APP: variants seen among roughly 807,000 people sequenced by gnomAD.
APP encodes amyloid-beta precursor protein.
A neutral mutation model predicts 101.4 loss-of-function variants in APP; 31 were observed. The observed-to-expected ratio is 0.31, with a 90% CI of 0.23 to 0.41. The LOEUF is 0.41. Among genes scored for constraint, APP ranks in the 10% least tolerant of loss-of-function variants. The probability of loss-of-function intolerance (pLI) is 1.00; values close to 1 mark genes in which losing one functional copy is unlikely to be tolerated. For synonymous variants in APP, 366 were observed against 364.4 expected (o/e 1.00, Z -0.05); for missense variants, 839 against 1,003.7 (o/e 0.84, Z 2.22).
chr21:25,891,891 G>A (rs201429297), intron 16 of APP, 23 bp from the exon 17 acceptor site: 1 of 1,603,690 alleles, frequency 6.2e-7, no homozygotes, highest in Non-Finnish European at 8.5e-7. Context: ...TTAAGAAAAA[G>A]AATTTTAATT....
intron 13 of APP, among the ~76,000 whole-genome samples, chr21:25,915,145 C>G (rs2039290754): frequency 6.6e-6 from 1 of 152,230 alleles, no homozygotes; most frequent in South Asian, 2.1e-4. Context: ...GAACTCACAG[C>G]TCCAGCTGTC....
intron 17 of APP, among the ~76,000 whole-genome samples, chr21:25,889,925 G>A (rs939572918): frequency 3.9e-5 from 6 of 152,028 alleles, no homozygotes; most frequent in Non-Finnish European, 7.4e-5. Flanking sequence ...CAGCAAAAAA[G>A]GGGTCTTGAA....
intron 11 of APP, among the ~76,000 whole-genome samples, chr21:25,960,734 T>C (rs112248226): frequency 0.035 from 5,324 of 152,220 alleles, 303 homozygotes; most frequent in African/African-American, 0.12. Flanking sequence ...TGCATCTACA[T>C]AAACACAAGC....
rs2043775693 is a variant in APP, at chr21:26,010,959, G to C, written c.866-10777C>G. 1.3e-5 allele frequency among the ~76,000 whole-genome samples: 2 copies of C among 152,190 alleles called. 1 individual carries two copies. The highest frequency in any genetic ancestry group is 4.1e-4 in the South Asian group (2 of 4,824). On this transcript the variant is annotated intron_variant, in intron 6 of 17. Transcript: ENST00000346798. Reference sequence around the variant, plus strand: ...GTGAATCGCTTGAACCATGGAGGCAGAGATTGCAGTGAACTGAGATCGTGT... The same window carrying C: ...GTGAATCGCTTGAACCATGGAGGCACAGATTGCAGTGAACTGAGATCGTGT...
In APP at chr21:26,053,278, A is replaced by G. The variant is rs201724614; in HGVS notation, c.426T>C (p.Asp142=). The change falls in exon 4 of 18, where the codon GAT becomes GAC. Residue 142 remains aspartate (D), a synonymous_variant. Coordinates refer to ENST00000346798, the MANE Select transcript of APP (RefSeq NM_000484.4). ...KCKFLHQERM[D]VCETHLHWHT... The stretch of plus-strand genomic sequence containing the variant: ...GCCAGTGAAGATGAGTTTCGCAAAC[A>G]TCCATCCTCTCCTGGTGTAAGAATT... 1.1e-5 allele frequency: 18 copies of G among 1,614,018 alleles called. No individual in the cohort carries two copies. The highest frequency in any genetic ancestry group is 1.5e-5 in the Non-Finnish European group (18 of 1,179,886).
chr21:26,049,516 TA>T (rs751863353), intron 5 of APP, among the ~76,000 whole-genome samples: 1 of 152,090 alleles, frequency 6.6e-6, no homozygotes, highest in Non-Finnish European at 1.5e-5. Flanking sequence ...CAGAGATAAT[TA>T]GGTGCATCTA....
At chr21:26,062,097 C>A (rs2145998434) in intron 3 of APP, among the ~76,000 whole-genome samples, 1 of 152,148 alleles carries the variant, frequency 6.6e-6, no homozygotes, top group East Asian at 1.9e-4. Context: ...ATAGTCCCAG[C>A]TACTCGGGAG....
intron 5 of APP, among the ~76,000 whole-genome samples, chr21:26,031,964 A>G (rs1320605731): frequency 6.6e-6 from 1 of 152,196 alleles, no homozygotes; most frequent in African/African-American, 2.4e-5. Flanking sequence ...AGAAGAAGCC[A>G]TGTGGCTCAG....
chr21:25,968,290 G>A lies in APP; in HGVS notation c.1458+6780C>T, dbSNP rs142985675. Among the ~76,000 whole-genome samples, 1,075 of 150,934 alleles carry A rather than the reference G, an allele frequency of 7.1e-3. 3 individuals carry two copies. Among genetic ancestry groups the A allele is most frequent in the Non-Finnish European group, 0.01 (708 of 67,856 alleles). On this transcript the variant is annotated intron_variant, in intron 11 of 17. Transcript: ENST00000346798. ...CTCCAGAGTAGCTGCGACTACAGGC[G>A]CGCACCATCATGCCTGGCTAATTAA...
intron 3 of APP, among the ~76,000 whole-genome samples, chr21:26,064,555 T>C (rs1419553608): frequency 2.0e-5 from 3 of 151,978 alleles, no homozygotes; most frequent in Non-Finnish European, 2.9e-5. Flanking sequence ...GTATGTCTCA[T>C]AGGGTTTTAC....
intron 2 of APP, among the ~76,000 whole-genome samples, chr21:26,090,807 G>A (rs749476516): frequency 1.9e-4 from 29 of 152,118 alleles, no homozygotes; most frequent in Non-Finnish European, 3.1e-4. Flanking sequence ...TAAAAATCCT[G>A]CTCTTATTCC....
intron 3 of APP, among the ~76,000 whole-genome samples, chr21:26,068,493 G>A (rs1028156350): frequency 5.2e-4 from 79 of 152,114 alleles, no homozygotes; most frequent in African/African-American, 1.8e-3. Flanking sequence ...CCAAGTAGCC[G>A]GGACTACCGG....
intron 12 of APP, among the ~76,000 whole-genome samples, chr21:25,954,960 T>C (rs1335456187): frequency 7.0e-6 from 1 of 142,446 alleles, no homozygotes; most frequent in Non-Finnish European, 1.5e-5. Flanking sequence ...TAAGACTTGA[T>C]CTTGAAACTT....
At chr21:26,136,137 G>T (rs416524) in intron 1 of APP, among the ~76,000 whole-genome samples, 1 of 96,456 alleles carries the variant, frequency 1.0e-5, no homozygotes, top group African/African-American at 4.2e-5. Context: ...TCTCAAAAAA[G>T]AAAAAAGAAA....
chr21:26,041,856 TC>T (rs1157859673), intron 5 of APP, among the ~76,000 whole-genome samples: 18 of 151,318 alleles, frequency 1.2e-4, no homozygotes, highest in African/African-American at 4.4e-4. Context: ...AATAAGGACC[TC>T]AAAACTGGCA....
chr21:25,917,987 A>G (rs189012770), intron 13 of APP, among the ~76,000 whole-genome samples: 6 of 152,220 alleles, frequency 3.9e-5, no homozygotes, highest in Admixed American at 3.9e-4. Flanking sequence ...ATGAGATACC[A>G]TCTCACACCA....
intron 13 of APP, among the ~76,000 whole-genome samples, chr21:25,949,735 C>T (rs996097186): frequency 1.3e-5 from 2 of 152,148 alleles, no homozygotes; most frequent in African/African-American, 4.8e-5. Flanking sequence ...AAATAATTTA[C>T]TCCAAGTTAG....
intron 6 of APP, among the ~76,000 whole-genome samples, chr21:26,004,175 G>A (rs2043411050): frequency 6.6e-6 from 1 of 151,872 alleles, no homozygotes; most frequent in Admixed American, 6.6e-5. Context: ...AGAAGCAGCA[G>A]CATAGACTTG....
At chr21:26,118,903 A>T (rs9976477) in intron 1 of APP, among the ~76,000 whole-genome samples, 7,601 of 152,148 alleles carry the variant, frequency 0.05, 361 homozygotes, top group African/African-American at 0.12. Flanking sequence ...ATGAAAAAAA[A>T]ATATATATAT....
Sources: allele counts gnomAD v4.1 joint callset (sites outside exome capture counted in the v4.1 genomes callset), GRCh38; gene constraint gnomAD v4.1.1; transcripts MANE v1.5; gene names NCBI Gene and HGNC (gene_info 2026-07-23, HGNC 2026-07-21).